Variants in SLC6A18 observed in about 807,000 individuals in gnomAD.
The protein encoded by SLC6A18 is solute carrier family 6 member 18, also known as inactive sodium-dependent neutral amino acid transporter B(0)AT3.
SLC6A18 carries 58 observed loss-of-function variants against 62.9 expected under a neutral mutation model. The ratio of observed to expected loss-of-function variants is 0.92; its 90% CI spans 0.75 to 1.15. SLC6A18 has a LOEUF of 1.15. Among genes scored for constraint, SLC6A18 ranks in the 50% most tolerant of loss-of-function variants. The pLI, the probability that SLC6A18 is intolerant of heterozygous loss-of-function variation, is 0.00. For synonymous variants in SLC6A18, 382 were observed against 365.8 expected (o/e 1.04, Z -0.51); for missense variants, 793 against 836.6 (o/e 0.95, Z 0.64).
At chr5:1,242,612 C>G in intron 7 of SLC6A18, 95 bp from the exon 8 acceptor site, 1 of 1,498,116 alleles carries the variant, frequency 6.7e-7, no homozygotes, top group South Asian at 1.3e-5. Context: ...CCCAGCCCTC[C>G]CAGGGATGCT....
intron 1 of SLC6A18, among the ~76,000 whole-genome samples, chr5:1,230,092 C>T (rs957804588): frequency 1.6e-4 from 16 of 99,032 alleles, no homozygotes; most frequent in Middle Eastern, 0.016. Flanking sequence ...TGGAGGGGAG[C>T]GAAGAAGGGC....
intron 1 of SLC6A18, among the ~76,000 whole-genome samples, chr5:1,228,120 C>G (rs925685173): frequency 6.6e-6 from 1 of 151,206 alleles, no homozygotes; most frequent in Non-Finnish European, 1.5e-5. Context: ...AGAGCAAGGC[C>G]TTTTTTTTTT....
chr5:1,243,774 C>A lies in SLC6A18; in HGVS notation c.1336+15C>A. 1.3e-6 allele frequency: 2 copies of A among 1,581,104 alleles called. No individual in the cohort carries two copies. Among genetic ancestry groups the A allele is most frequent in the South Asian group, 2.3e-5 (2 of 87,262 alleles). ...GGCCCTGACTGGTGAGCGCACAGCT[C>A]CGCCGCCCTGGAGGACCCGTCCCCA... is the stretch of plus-strand genomic sequence containing the variant. On this transcript the variant is annotated intron_variant, in intron 9 of 11. Transcript: ENST00000324642. The surrounding 1 kb of genome is among the most constrained non-coding windows in gnomAD (Gnocchi z 6.5).
At position 1,232,779 on chromosome 5, in the gene SLC6A18, G is replaced by T; in HGVS notation, c.330G>T (p.Leu110=). The T allele has an allele frequency of 6.2e-7, 1 of 1,613,498 alleles. No homozygotes were observed. The highest frequency in any genetic ancestry group is 8.5e-7 in the Non-Finnish European group (1 of 1,179,968). ...VGLGCVTLSF[L]ISLYYNTIVA... The stretch of plus-strand genomic sequence containing the variant: ...TGGGCTGTGTCACGCTGTCCTTCCT[G>T]ATCAGCCTGTACTACAACACCATCG... Residue 110 remains leucine (L), a synonymous_variant, in exon 3 of 12, where the codon CTG becomes CTT. Coordinates refer to ENST00000324642, the MANE Select transcript of SLC6A18 (RefSeq NM_182632.3).
Position 1,243,617 on chromosome 5 carries a change from G to T in SLC6A18, c.1194G>T (p.Gly398=). 1 of 1,614,078 alleles carries T rather than the reference G, an allele frequency of 6.2e-7. No individual in the cohort carries two copies. Among genetic ancestry groups the T allele is most frequent in the Non-Finnish European group, 8.5e-7 (1 of 1,180,012 alleles). ...CGGAGACCGACCTCCACATGCCGGG[G>T]GCTCCTGTGTGGGCCATGCTCTTCT... ...VFTETDLHMP[G]APVWAMLFFG... Residue 398 remains glycine (G), a synonymous_variant, in exon 9 of 12, where the codon GGG becomes GGT. Coordinates refer to ENST00000324642, the MANE Select transcript of SLC6A18 (RefSeq NM_182632.3). This position sits in a 1 kb window ranked among gnomAD's most constrained non-coding sequence, Gnocchi z 6.5.
intron 3 of SLC6A18, among the ~76,000 whole-genome samples, chr5:1,234,261 G>T (rs929510056): frequency 6.6e-6 from 1 of 152,166 alleles, no homozygotes; most frequent in Non-Finnish European, 1.5e-5. Context: ...TAAAACTCAC[G>T]CTGGGCTGGT....
At position 1,241,132 on chromosome 5, in the gene SLC6A18, C is replaced by T. The variant is rs559764951; in HGVS notation, c.974+473C>T. On this transcript the variant is annotated intron_variant, in intron 7 of 11. Transcript: ENST00000324642. This position sits in a 1 kb window ranked among gnomAD's most constrained non-coding sequence, Gnocchi z 7.8. ...TCCGGAACGGGAGAGGATGATTTCC[C>T]GTGGTTTTGAGGCACCATTGCTGGT... is the stretch of plus-strand genomic sequence containing the variant. Among the ~76,000 whole-genome samples, 5 of 152,290 alleles carry T rather than the reference C, an allele frequency of 3.3e-5. No individual in the cohort carries two copies. Among genetic ancestry groups the T allele is most frequent in the South Asian group, 2.1e-4 (1 of 4,818 alleles).
chr5:1,226,513 A>C (rs1455688521), intron 1 of SLC6A18, among the ~76,000 whole-genome samples: 1 of 152,194 alleles, frequency 6.6e-6, no homozygotes, highest in East Asian at 1.9e-4. Flanking sequence ...GCCCCGCACA[A>C]CTATCCCTTG....
chr5:1,236,924 T>A lies in SLC6A18; in HGVS notation c.622-1026T>A, dbSNP rs1746897930. Among the ~76,000 whole-genome samples, 2 of 151,944 alleles carry A rather than the reference T, an allele frequency of 1.3e-5. 1 individual carries two copies. Among genetic ancestry groups the A allele is most frequent in the South Asian group, 4.2e-4 (2 of 4,806 alleles). ...CAGCCAGAAATTCCAAATAATCCTATTATAAAGGCCCTTAAAAATGCATCC... is the reference window on the plus strand; with the variant it reads ...CAGCCAGAAATTCCAAATAATCCTAATATAAAGGCCCTTAAAAATGCATCC... On this transcript the variant is annotated intron_variant, in intron 4 of 11. Coordinates refer to ENST00000324642, the MANE Select transcript of SLC6A18 (RefSeq NM_182632.3).
In SLC6A18 at chr5:1,242,733, T is replaced by C. The variant is rs1352376928; in HGVS notation, c.1001T>C (p.Phe334Ser). The C allele has an allele frequency of 6.8e-6, 11 of 1,612,240 alleles. No individual in the cohort carries two copies. Among genetic ancestry groups the C allele is most frequent in the Non-Finnish European group, 8.5e-6 (10 of 1,178,902 alleles). ...DRNILSLINDFDFPEQSISRD... is the reference protein window; with the variant it reads ...DRNILSLINDSDFPEQSISRD... ...AACATCCTCAGCCTCATCAACGACTTTGACTTCCCAGAGCAGAGCATCTCC... is the reference window on the plus strand; with the variant it reads ...AACATCCTCAGCCTCATCAACGACTCTGACTTCCCAGAGCAGAGCATCTCC... Residue 334 changes from phenylalanine (F) to serine (S), a missense_variant, in exon 8 of 12, where the codon TTT becomes TCT. Physicochemically the swap from Phe to Ser is radical, Grantham distance 155. Transcript: ENST00000324642.
intron 1 of SLC6A18, among the ~76,000 whole-genome samples, chr5:1,226,636 A>G (rs1448355867): frequency 1.3e-5 from 2 of 152,220 alleles, no homozygotes; most frequent in Non-Finnish European, 2.9e-5. Flanking sequence ...AACACCCGTC[A>G]CTGCCACCCT....
At chr5:1,234,925 T>C (rs1422445242) in intron 3 of SLC6A18, among the ~76,000 whole-genome samples, 2 of 152,234 alleles carry the variant, frequency 1.3e-5, no homozygotes, top group Non-Finnish European at 2.9e-5. Context: ...CCCAGTCAAG[T>C]GTCCCAGAAA....
intron 1 of SLC6A18, among the ~76,000 whole-genome samples, chr5:1,226,266 C>G (rs947904561): frequency 6.6e-6 from 1 of 152,230 alleles, no homozygotes; most frequent in Non-Finnish European, 1.5e-5. Context: ...CTCCCCTCAC[C>G]CTGTGCCTGC....
Position 1,232,266 on chromosome 5 carries a change from C to T in SLC6A18, c.208C>T (p.Pro70Ser). ...CATCGCGCTGGTCTTCGAGGGGATC[C>T]CCATTTTCCACGTCGAGCTCGCCAT... ...YVIALVFEGI[P>S]IFHVELAIGQ... Residue 70 changes from proline (P) to serine (S), a missense_variant, in exon 2 of 12, where the codon CCC becomes TCC. Transcript: ENST00000324642. 1.2e-6 allele frequency: 2 copies of T among 1,613,068 alleles called. No homozygotes were observed. The highest frequency in any genetic ancestry group is 1.7e-6 in the Non-Finnish European group (2 of 1,179,892).
At position 1,246,041 on chromosome 5, in the gene SLC6A18, C is replaced by G; in HGVS notation, c.1850C>G (p.Pro617Arg). The G allele has an allele frequency of 6.3e-7, 1 of 1,591,854 alleles. No individual in the cohort carries two copies. The highest frequency in any genetic ancestry group is 1.1e-5 in the South Asian group (1 of 89,518). The change falls in exon 12 of 12, where the codon CCA becomes CGA. Residue 617 changes from proline to arginine, a missense_variant. Pro to Arg is a moderately radical substitution (Grantham distance 103). Coordinates refer to ENST00000324642, the MANE Select transcript of SLC6A18 (RefSeq NM_182632.3). ...ATGCGCCCGGACACGGACACGCGCC[C>G]AGACACGGACATGCGCCCGGACACG... ...TDMRPDTDTR[P>R]DTDMRPDTDM...
At position 1,246,124 on chromosome 5, in the gene SLC6A18, T is replaced by A. The variant is rs1334639285; in HGVS notation, c.*46T>A. The A allele has an allele frequency of 5.4e-6, 8 of 1,480,278 alleles. No individual in the cohort carries two copies. The highest frequency in any genetic ancestry group is 4.3e-4 in the Middle Eastern group (2 of 4,600). 91.7% of individuals were successfully genotyped at this position (1,480,278 alleles called of 1,614,324 possible). On this transcript the variant is annotated 3_prime_UTR_variant, in exon 12 of 12. Transcript: ENST00000324642. ...GCATGGGCGGGTCTGTGGGGGGGCT[T>A]GGCCTGATGGTGGGCGGGGCCCCGC... is the stretch of plus-strand genomic sequence containing the variant.
chr5:1,242,878 C>G lies in SLC6A18; in HGVS notation c.1131+15C>G, dbSNP rs546037046. ...TTCTGGATAAGGTACCTGCACACCCCCTGGGGTAGCCAGGCAGGGCCGTCC... is the reference window on the plus strand; with the variant it reads ...TTCTGGATAAGGTACCTGCACACCCGCTGGGGTAGCCAGGCAGGGCCGTCC... On this transcript the variant is annotated intron_variant, in intron 8 of 11. Transcript: ENST00000324642. The G allele has an allele frequency of 7.5e-6, 12 of 1,591,626 alleles. No homozygotes were observed. In the African/African-American group the frequency reaches 8.1e-5, roughly 11 times the overall value.
At chr5:1,225,860 C>T (rs142683117) in intron 1 of SLC6A18, among the ~76,000 whole-genome samples, 1 of 152,216 alleles carries the variant, frequency 6.6e-6, no homozygotes, top group Non-Finnish European at 1.5e-5. Context: ...CACGGAGGAT[C>T]CAGTCCCCTC....
In SLC6A18 at chr5:1,241,689, G is replaced by A. The variant is rs998757891; in HGVS notation, c.975-1018G>A. Reference sequence around the variant, plus strand: ...CGGTGATTTATAGGATTTACAGGATGAGCCGGGTCAAGAAGGCAGAGCTGG... The same window carrying A: ...CGGTGATTTATAGGATTTACAGGATAAGCCGGGTCAAGAAGGCAGAGCTGG... On this transcript the variant is annotated intron_variant, in intron 7 of 11. Coordinates refer to ENST00000324642, the MANE Select transcript of SLC6A18 (RefSeq NM_182632.3). This position sits in a 1 kb window ranked among gnomAD's most constrained non-coding sequence, Gnocchi z 7.8. Among the ~76,000 whole-genome samples, 4 of 152,232 alleles carry A rather than the reference G, an allele frequency of 2.6e-5. No individual in the cohort carries two copies. Among genetic ancestry groups the A allele is most frequent in the African/African-American group, 9.6e-5 (4 of 41,472 alleles).
Sources: gnomAD v4.1 joint callset for allele counts (sites outside exome capture counted in the v4.1 genomes callset) on GRCh38, gnomAD v4.1.1 for gene constraint, Gnocchi (gnomAD v3.1) non-coding constraint, MANE v1.5 for transcripts, NCBI Gene and HGNC (gene_info 2026-07-23, HGNC 2026-07-21) for gene names.